The following ATP2C1 variants were observed in gnomAD, a reference collection of about 807,000 sequenced individuals.
ATP2C1 encodes calcium-transporting ATPase type 2C member 1.
A neutral mutation model predicts 120.5 loss-of-function variants in ATP2C1; 31 were observed. That is an observed-to-expected ratio of 0.26 (90% confidence interval 0.19 to 0.35). ATP2C1 has a LOEUF of 0.35. ATP2C1 is among the 10% of genes least tolerant of loss of function. The pLI, the probability that ATP2C1 is intolerant of heterozygous loss-of-function variation, is 1.00. For synonymous variants in ATP2C1, 351 were observed against 358.7 expected (o/e 0.98, Z 0.24); for missense variants, 731 against 1,107.5 (o/e 0.66, Z 4.83).
In ATP2C1 at chr3:130,919,141, G is replaced by A. The variant is rs183912587; in HGVS notation, c.7-11275G>A. 21 of 306,222 alleles carry A rather than the reference G, an allele frequency of 6.9e-5. No homozygotes were observed. The East Asian group carries it at 2.2e-3, about 32-fold the overall frequency. 19.0% of individuals were successfully genotyped at this position (306,222 alleles called of 1,614,324 possible). On this transcript the variant is annotated intron_variant, in intron 2 of 27. Coordinates refer to ENST00000510168, the MANE Select transcript of ATP2C1 (RefSeq NM_001378687.1). ...CATTTTGAGTTGGAGGCAGGAGCAC[G>A]CATCACAGGCGGAGCTAGAGAGGCT...
At chr3:130,878,144 G>C (rs377155694) in intron 1 of ATP2C1, among the ~76,000 whole-genome samples, 1 of 110,542 alleles carries the variant, frequency 9.0e-6, no homozygotes, top group Non-Finnish European at 1.8e-5. Context: ...GTCGTGGGGT[G>C]GGGGGAGGGG....
At chr3:130,958,345 A>C (rs2060670921) in intron 11 of ATP2C1, among the ~76,000 whole-genome samples, 1 of 152,132 alleles carries the variant, frequency 6.6e-6, no homozygotes, top group Non-Finnish European at 1.5e-5. Context: ...TATGTAAATA[A>C]ATGAGTGTGG....
intron 2 of ATP2C1, among the ~76,000 whole-genome samples, chr3:130,925,233 G>A (rs1036467954): frequency 4.6e-5 from 7 of 152,144 alleles, no homozygotes; most frequent in African/African-American, 1.7e-4. Flanking sequence ...GGATTCAAGG[G>A]CTGCTTTTCA....
At chr3:130,907,508 C>T (rs1335223221) in intron 2 of ATP2C1, among the ~76,000 whole-genome samples, 1 of 152,004 alleles carries the variant, frequency 6.6e-6, no homozygotes, top group Admixed American at 6.6e-5. Flanking sequence ...TATCCCAATA[C>T]TGTTTGTTAA....
rs144827152 is a variant in ATP2C1, at chr3:130,972,710, C to T, written c.1414-2622C>T. 2.9e-4 allele frequency among the ~76,000 whole-genome samples: 43 copies of T among 146,564 alleles called. No individual in the cohort carries two copies. The East Asian group carries it at 4.6e-3, about 16-fold the overall frequency. On this transcript the variant is annotated intron_variant, in intron 17 of 27. Coordinates refer to ENST00000510168, the MANE Select transcript of ATP2C1 (RefSeq NM_001378687.1). ...CTTCTCATCTATGAGTGAGAACATG[C>T]GGTGTTTGGTTTTTTGTCCTTGCGA...
chr3:130,896,296 G>C (rs746141381), intron 2 of ATP2C1, among the ~76,000 whole-genome samples: 31 of 152,108 alleles, frequency 2.0e-4, no homozygotes, highest in Non-Finnish European at 3.4e-4. Flanking sequence ...GAGGTGGGAG[G>C]GGGTGGTTGT....
intron 1 of ATP2C1, among the ~76,000 whole-genome samples, chr3:130,875,537 T>C (rs2068573099): frequency 6.6e-6 from 1 of 152,332 alleles, no homozygotes; most frequent in African/African-American, 2.4e-5. Flanking sequence ...TTGATGGACT[T>C]GTAGTTTGAT....
chr3:130,980,512 G>A, intron 19 of ATP2C1, 70 bp from the exon 20 acceptor site: 1 of 1,020,704 alleles, frequency 9.8e-7, no homozygotes, highest in Non-Finnish European at 1.6e-6. Context: ...TACTAAATGA[G>A]CATTACGTTG....
At chr3:131,006,173 G>A (rs1011274129), downstream of ATP2C1, among the ~76,000 whole-genome samples, 3 of 152,132 alleles carry the variant, frequency 2.0e-5, no homozygotes, top group Non-Finnish European at 4.4e-5. Context: ...GTGCAGTGGT[G>A]CGATCTTGGC....
intron 10 of ATP2C1, chr3:130,955,641 G>C (rs1351362691): frequency 1.7e-5 from 3 of 176,568 alleles, no homozygotes; most frequent in Middle Eastern, 2.9e-3. Flanking sequence ...GCGATGCAAA[G>C]TGGGAACTCA....
At chr3:130,960,584 T>C (rs1206705776) in intron 12 of ATP2C1, among the ~76,000 whole-genome samples, 1 of 152,194 alleles carries the variant, frequency 6.6e-6, no homozygotes, top group Admixed American at 6.5e-5. Flanking sequence ...AGCAGCATAC[T>C]TGACATATTA....
chr3:130,856,895 G>A (rs1223951700), intron 1 of ATP2C1, among the ~76,000 whole-genome samples: 2 of 152,170 alleles, frequency 1.3e-5, no homozygotes, highest in Non-Finnish European at 2.9e-5. Context: ...ATAAGCATGT[G>A]GGAGTTATTT....
chr3:130,996,452 T>C (rs1330094615), intron 23 of ATP2C1, among the ~76,000 whole-genome samples: 1 of 152,250 alleles, frequency 6.6e-6, no homozygotes, highest in Non-Finnish European at 1.5e-5. Flanking sequence ...GAAACTATCA[T>C]GCAGATGTAA....
intron 2 of ATP2C1, among the ~76,000 whole-genome samples, chr3:130,922,074 G>T (rs1452838220): frequency 6.6e-6 from 1 of 152,058 alleles, no homozygotes; most frequent in African/African-American, 2.4e-5. Flanking sequence ...TTCAGCTGTA[G>T]ATCCATCTGG....
At chr3:130,976,189 A>G (rs916038833) in intron 18 of ATP2C1, among the ~76,000 whole-genome samples, 9 of 152,212 alleles carry the variant, frequency 5.9e-5, no homozygotes, top group South Asian at 2.1e-4. Flanking sequence ...AAGCACTACA[A>G]TTTCTGGGAG....
At chr3:130,916,060 C>G (rs932787104) in intron 2 of ATP2C1, among the ~76,000 whole-genome samples, 1 of 152,056 alleles carries the variant, frequency 6.6e-6, no homozygotes, top group Non-Finnish European at 1.5e-5. Flanking sequence ...TTCTTATAGT[C>G]TCCTATTAGG....
At chr3:130,917,564 T>C (rs1198271973) in intron 2 of ATP2C1, among the ~76,000 whole-genome samples, 2 of 152,262 alleles carry the variant, frequency 1.3e-5, no homozygotes, top group Non-Finnish European at 2.9e-5. Flanking sequence ...TGTAAAACTT[T>C]TGCTTTTATT....
exon 1 of ATP2C1, chr3:130,850,872 C>T: frequency 1.4e-6 from 2 of 1,442,202 alleles, no homozygotes; most frequent in Non-Finnish European, 1.8e-6. Context: ...AAAATATCCT[C>T]TCCATGCAAT....
chr3:130,903,812 G>C (rs1408906343), intron 2 of ATP2C1, among the ~76,000 whole-genome samples: 1 of 151,800 alleles, frequency 6.6e-6, no homozygotes, highest in Admixed American at 6.6e-5. Flanking sequence ...GCTTAATATA[G>C]GATGGCAACA....
Sources: allele counts gnomAD v4.1 joint callset (sites outside exome capture counted in the v4.1 genomes callset), GRCh38; gene constraint gnomAD v4.1.1; transcripts MANE v1.5; gene names NCBI Gene and HGNC (gene_info 2026-07-23, HGNC 2026-07-21).